Variants in MROH1 observed in about 807,000 individuals in gnomAD.
The protein encoded by MROH1 is maestro heat like repeat family member 1.
A neutral mutation model predicts 116.5 loss-of-function variants in MROH1; 117 were observed. The observed-to-expected ratio is 1.00, with a 90% CI of 0.86 to 1.17. The LOEUF (loss-of-function observed/expected upper bound fraction) is 1.17. Among genes scored for constraint, MROH1 ranks in the 50% most tolerant of loss-of-function variants. The probability of loss-of-function intolerance (pLI) is 0.00; values close to 1 mark genes in which losing one functional copy is unlikely to be tolerated. For missense variants in MROH1, 1,873 were observed against 1,338.5 expected (o/e 1.40, Z -6.23); for synonymous variants, 921 against 583.9 (o/e 1.58, Z -8.32).
At chr8:144,156,237 C>CA (rs1818032872) in intron 1 of MROH1, among the ~76,000 whole-genome samples, 2 of 83,956 alleles carry the variant, frequency 2.4e-5, no homozygotes, top group Admixed American at 1.4e-4. Flanking sequence ...AACTCCGTCT[C>CA]AAAGAAAAAA....
chr8:144,225,744 G>A (rs1222252584), intron 14 of MROH1, among the ~76,000 whole-genome samples: 1 of 150,944 alleles, frequency 6.6e-6, no homozygotes, highest in South Asian at 2.1e-4. Context: ...ATTTTTAGTA[G>A]ACACAGAGTT....
chr8:144,181,873 C>CA (rs1825809387), intron 7 of MROH1, among the ~76,000 whole-genome samples: 1 of 152,238 alleles, frequency 6.6e-6, no homozygotes, highest in South Asian at 2.1e-4. Context: ...CTGATCCCTG[C>CA]AGCTGCTGAG....
intron 14 of MROH1, among the ~76,000 whole-genome samples, chr8:144,238,392 G>T (rs1840403761): frequency 6.6e-6 from 1 of 152,190 alleles, no homozygotes; most frequent in African/African-American, 2.4e-5. Context: ...GCCCACCGTG[G>T]CTGCCGAGGC....
Position 144,163,740 on chromosome 8 carries a change from G to T in MROH1, c.-56-31G>T. On this transcript the variant is annotated intron_variant, in intron 2 of 43. Transcript: ENST00000326134. This position sits in a 1 kb window ranked among gnomAD's most constrained non-coding sequence, Gnocchi z 4.4. ...GAACTCAGATATCGTAGAGGCTTAT[G>T]AATTAAATCTTGTGATTTTGGTTAT... 7.1e-7 allele frequency: 1 copy of T among 1,406,404 alleles called. No homozygotes were observed. Among genetic ancestry groups the T allele is most frequent in the South Asian group, 1.2e-5 (1 of 83,742 alleles). The allele number at this position is 1,406,404 out of a possible 1,614,324, so 87.1% of individuals were successfully genotyped here. A position where few individuals can be genotyped will look rare whatever the true frequency, so the allele number is the denominator to read the frequency against.
At chr8:144,154,935 AGCCTCCCGAGTAGCTGGGATTGCAG>A (rs1486670218) in intron 1 of MROH1, among the ~76,000 whole-genome samples, 1 of 152,140 alleles carries the variant, frequency 6.6e-6, no homozygotes, top group African/African-American at 2.4e-5. Flanking sequence ...TCTCTGCCTC[AGCCTCCCGAGTAGCTGGGATTGCAG>A]GCACCCGCCA....
At chr8:144,218,624 A>G (rs903033889) in intron 12 of MROH1, among the ~76,000 whole-genome samples, 14 of 139,642 alleles carry the variant, frequency 1.0e-4, no homozygotes, top group Non-Finnish European at 7.6e-5. Context: ...TCTGAACTTC[A>G]CTGAACTTCA....
At chr8:144,248,612 A>ACTGT (rs1471406121) in intron 31 of MROH1, among the ~76,000 whole-genome samples, 3 of 152,268 alleles carry the variant, frequency 2.0e-5, no homozygotes, top group Non-Finnish European at 4.4e-5. Context: ...GAGGGAGGGT[A>ACTGT]CTGTGACCCC....
intron 1 of MROH1, among the ~76,000 whole-genome samples, chr8:144,153,720 C>T (rs1299689098): frequency 3.3e-5 from 5 of 152,146 alleles, no homozygotes; most frequent in Admixed American, 6.6e-5. Flanking sequence ...CCTCTGGATG[C>T]GTACTCAGGA....
intron 4 of MROH1, among the ~76,000 whole-genome samples, chr8:144,178,352 G>A (rs1460844915): frequency 1.3e-5 from 2 of 151,584 alleles, no homozygotes; most frequent in Admixed American, 6.6e-5. Flanking sequence ...GGCTGGTCTC[G>A]AACCCCTGAC....
chr8:144,191,134 A>G (rs930782737), intron 8 of MROH1, among the ~76,000 whole-genome samples, 199 bp downstream of exon 8: 1 of 152,036 alleles, frequency 6.6e-6, no homozygotes, highest in East Asian at 1.9e-4. Flanking sequence ...CAGTGGCATG[A>G]CCTTGGCTCA....
chr8:144,187,253 A>T (rs901425836), intron 7 of MROH1, among the ~76,000 whole-genome samples: 3 of 152,104 alleles, frequency 2.0e-5, no homozygotes, highest in Non-Finnish European at 4.4e-5. Context: ...TTCTAAAAAA[A>T]TATAAAATTA....
chr8:144,224,962 G>A (rs1383736170), intron 14 of MROH1, among the ~76,000 whole-genome samples: 1 of 152,078 alleles, frequency 6.6e-6, no homozygotes, highest in Non-Finnish European at 1.5e-5. Flanking sequence ...TTAAAGATTA[G>A]AATTAGTTAT....
chr8:144,151,496 A>G (rs978173372), intron 1 of MROH1, among the ~76,000 whole-genome samples: 2 of 152,296 alleles, frequency 1.3e-5, no homozygotes, highest in South Asian at 4.1e-4. Flanking sequence ...CCAACTCCAG[A>G]GGAAGACCAT....
intron 4 of MROH1, among the ~76,000 whole-genome samples, chr8:144,171,640 C>T (rs1822481177): frequency 6.6e-6 from 1 of 152,202 alleles, no homozygotes; most frequent in Non-Finnish European, 1.5e-5. Context: ...TGTCACCAGC[C>T]TTAGGTGTTT....
rs1282994817 is a variant in MROH1, at chr8:144,239,148, C to T, written c.1560C>T (p.Ala520=). The T allele has an allele frequency of 1.1e-4, 88 of 768,072 alleles. No homozygotes were observed. The highest frequency in any genetic ancestry group is 3.0e-4 in the Middle Eastern group (1 of 3,326). 47.6% of individuals were successfully genotyped at this position (768,072 alleles called of 1,614,324 possible). A position where few individuals can be genotyped will look rare whatever the true frequency, so the allele number is the denominator to read the frequency against. ...HLAQKRQEAG[A]DAFLIQYDAH... is the part of the protein sequence containing the mutation. ...CGCAGAAGAGGCAGGAGGCCGGGGC[C>T]GACGCCTTCCTCATCCAGTACGACG... Residue 520 remains alanine, a synonymous_variant, in exon 16 of 44, where the codon GCC becomes GCT. Transcript: ENST00000326134.
chr8:144,174,107 AAAGAGG>A (rs1233581661), intron 4 of MROH1, among the ~76,000 whole-genome samples: 11 of 152,260 alleles, frequency 7.2e-5, no homozygotes, highest in African/African-American at 2.6e-4. Context: ...TAAGTCTGCA[AAAGAGG>A]TTAAAGTGAA....
chr8:144,198,729 G>A (rs1391666717), intron 10 of MROH1, among the ~76,000 whole-genome samples: 3 of 152,196 alleles, frequency 2.0e-5, no homozygotes, highest in African/African-American at 7.2e-5. Context: ...CTCATGCCTG[G>A]GGCATGGGAG....
intron 12 of MROH1, 137 bp downstream of exon 12, chr8:144,200,678 T>G: frequency 1.4e-6 from 1 of 715,714 alleles, no homozygotes; most frequent in Non-Finnish European, 2.3e-6. Flanking sequence ...ACTTACTATT[T>G]TGCAAAATTC....
In MROH1 at chr8:144,244,259, G is replaced by A; in HGVS notation, c.2593G>A (p.Asp865Asn). 1 of 718,592 alleles carries A rather than the reference G, an allele frequency of 1.4e-6. No individual in the cohort carries two copies. The highest frequency in any genetic ancestry group is 2.6e-6 in the Non-Finnish European group (1 of 385,106). The allele number at this position is 718,592 out of a possible 1,614,324, so 44.5% of individuals were successfully genotyped here. A position where few individuals can be genotyped will look rare whatever the true frequency, so the allele number is the denominator to read the frequency against. Residue 865 changes from aspartate to asparagine, a missense_variant, in exon 27 of 44, where the codon GAT (aspartate) becomes AAT (asparagine). Physicochemically the swap from Asp to Asn is conservative, Grantham distance 23 (BLOSUM62 1). Transcript: ENST00000326134. ...AGCGCTGGACGAGCAGGCCCGGGCG[G>A]ATGTGATCCATGGCTGCCTGCACAG... ...EPALDEQARA[D>N]VIHGCLHSIM...
Sources: gnomAD v4.1 joint callset for allele counts (sites outside exome capture counted in the v4.1 genomes callset) on GRCh38, gnomAD v4.1.1 for gene constraint, Gnocchi (gnomAD v3.1) non-coding constraint, MANE v1.5 for transcripts, NCBI Gene and HGNC (gene_info 2026-07-23, HGNC 2026-07-21) for gene names.